The following LOC400499 variants were observed in gnomAD, a reference collection of about 807,000 sequenced individuals.
the LOC400499 span, among the ~76,000 whole-genome samples, chr16:11,394,106 A>C: frequency 6.6e-6 from 1 of 152,174 alleles, no homozygotes; most frequent in Non-Finnish European, 1.5e-5. Context: ...TAACATCCCC[A>C]GTGCCCTGGT....
the LOC400499 span, among the ~76,000 whole-genome samples, chr16:11,484,694 G>A: frequency 6.6e-6 from 1 of 152,278 alleles, no homozygotes; most frequent in African/African-American, 2.4e-5. Context: ...TCTATTTCAA[G>A]CAACAGTTTT....
At chr16:11,391,277 G>A in the LOC400499 span, among the ~76,000 whole-genome samples, 2 of 152,344 alleles carry the variant, frequency 1.3e-5, no homozygotes, top group African/African-American at 4.8e-5. Flanking sequence ...GGTTGGGGCA[G>A]CAGGTGTGAG....
At chr16:11,506,916 G>A in the LOC400499 span, among the ~76,000 whole-genome samples, 2 of 152,186 alleles carry the variant, frequency 1.3e-5, no homozygotes, top group African/African-American at 4.8e-5. Flanking sequence ...ATGTGTCCCT[G>A]CAAAGCCATT....
the LOC400499 span, among the ~76,000 whole-genome samples, chr16:11,377,919 G>C: frequency 2.6e-5 from 4 of 152,174 alleles, no homozygotes; most frequent in Non-Finnish European, 5.9e-5. Flanking sequence ...CTGATCTTCT[G>C]CTTTTCTTTC....
At chr16:11,393,675 A>AGG in the LOC400499 span, 1 of 825,520 alleles carries the variant, frequency 1.2e-6, no homozygotes, top group Non-Finnish European at 1.6e-6. Flanking sequence ...TTGGACCTGT[A>AGG]GGGAACCAAG....
the LOC400499 span, among the ~76,000 whole-genome samples, chr16:11,417,265 C>T: frequency 4.1e-4 from 62 of 152,244 alleles, no homozygotes; most frequent in African/African-American, 1.5e-3. Context: ...CTCATTCTGT[C>T]ACCCAGGCTG....
the LOC400499 span, among the ~76,000 whole-genome samples, chr16:11,519,658 G>A: frequency 1.3e-5 from 2 of 150,446 alleles, no homozygotes; most frequent in East Asian, 3.9e-4. Context: ...AAAATGTTAT[G>A]TTAAATGAAA....
the LOC400499 span, among the ~76,000 whole-genome samples, chr16:11,483,821 G>A: frequency 1.3e-5 from 2 of 151,912 alleles, no homozygotes; most frequent in African/African-American, 2.4e-5. Context: ...GTTGCAATGA[G>A]CCAAGATCAT....
chr16:11,434,793 CAG>C, the LOC400499 span, among the ~76,000 whole-genome samples: 1 of 152,144 alleles, frequency 6.6e-6, no homozygotes, highest in South Asian at 2.1e-4. Context: ...CGAGTGGTCC[CAG>C]AGGCAGCCGT....
the LOC400499 span, among the ~76,000 whole-genome samples, chr16:11,428,729 G>C: frequency 1.3e-5 from 2 of 152,132 alleles, no homozygotes; most frequent in African/African-American, 4.8e-5. Context: ...TGGGAACGCA[G>C]CCCAGTAGGT....
chr16:11,415,132 T>C, the LOC400499 span, among the ~76,000 whole-genome samples: 5 of 152,160 alleles, frequency 3.3e-5, no homozygotes, highest in Non-Finnish European at 2.9e-5. Context: ...GCCACTGACA[T>C]CCACCTGCAG....
At chr16:11,405,771 C>G in the LOC400499 span, among the ~76,000 whole-genome samples, 1 of 152,206 alleles carries the variant, frequency 6.6e-6, no homozygotes, top group Non-Finnish European at 1.5e-5. Flanking sequence ...CCTCCCCACA[C>G]AGCAGCCAGA....
chr16:11,374,834 G>A, the LOC400499 span, among the ~76,000 whole-genome samples: 17 of 152,292 alleles, frequency 1.1e-4, no homozygotes, highest in African/African-American at 3.8e-4. Flanking sequence ...CCCAGAAGTA[G>A]AATTGCTGGA....
the LOC400499 span, among the ~76,000 whole-genome samples, chr16:11,406,332 A>G: frequency 6.6e-6 from 1 of 152,228 alleles, no homozygotes. Flanking sequence ...GCTGCAAAGG[A>G]CAGAATTTCA....
At chr16:11,498,613 C>T in the LOC400499 span, among the ~76,000 whole-genome samples, 9 of 152,048 alleles carry the variant, frequency 5.9e-5, no homozygotes, top group Admixed American at 5.2e-4. Context: ...CCAGGCTTCA[C>T]GAACCCGGTG....
the LOC400499 span, among the ~76,000 whole-genome samples, chr16:11,455,540 G>T: frequency 6.6e-6 from 1 of 151,930 alleles, no homozygotes; most frequent in Non-Finnish European, 1.5e-5. Context: ...TTCAAGACCA[G>T]CCTGGCCAAC....
chr16:11,483,066 C>T, the LOC400499 span, among the ~76,000 whole-genome samples: 2 of 152,116 alleles, frequency 1.3e-5, no homozygotes, highest in East Asian at 3.8e-4. Flanking sequence ...AAAAGATTAT[C>T]AATGTCATTA....
the LOC400499 span, chr16:11,473,313 A>C: frequency 6.6e-6 from 1 of 151,204 alleles, no homozygotes; most frequent in South Asian, 2.1e-4. Context: ...GTATATCTTC[A>C]TTAAATAGAG....
chr16:11,478,466 G>A, the LOC400499 span: 33 of 398,604 alleles, frequency 8.3e-5, no homozygotes, highest in Non-Finnish European at 6.6e-5. Flanking sequence ...CAAATTTCAT[G>A]CCCTTAAGTG....
Sources: gnomAD v4.1 joint callset for allele counts (sites outside exome capture counted in the v4.1 genomes callset) on GRCh38, gnomAD v4.1.1 for gene constraint, MANE v1.5 for transcripts.